SLC7A14: variants seen among roughly 807,000 people sequenced by gnomAD.
The protein encoded by SLC7A14 is solute carrier family 7 member 14.
A neutral mutation model predicts 60.2 loss-of-function variants in SLC7A14; 37 were observed. That is an observed-to-expected ratio of 0.61 (90% confidence interval 0.47 to 0.81). The LOEUF is 0.81. Among genes scored for constraint, SLC7A14 ranks in the 30% least tolerant of loss-of-function variants. The pLI is 0.00. For missense variants in SLC7A14, 886 were observed against 982.7 expected, an observed-to-expected ratio of 0.90 and a Z score of 1.32; for synonymous variants, 399 against 395.8, an observed-to-expected ratio of 1.01 and a Z score of -0.10.
chr3:170,495,148 A>G (rs1013813434), intron 4 of SLC7A14, among the ~76,000 whole-genome samples: 3 of 152,350 alleles, frequency 2.0e-5, no homozygotes, highest in South Asian at 4.1e-4. Flanking sequence ...ACTATTGACA[A>G]CCGTAACAAG....
chr3:170,528,992 C>T (rs921427999), intron 1 of SLC7A14, among the ~76,000 whole-genome samples: 2 of 152,234 alleles, frequency 1.3e-5, no homozygotes, highest in South Asian at 2.1e-4. Context: ...GTCCCTGCTC[C>T]CATGGAGCTT....
At chr3:170,511,105 T>C (rs1291452960) in intron 2 of SLC7A14, among the ~76,000 whole-genome samples, 1 of 152,142 alleles carries the variant, frequency 6.6e-6, no homozygotes, top group East Asian at 1.9e-4. Flanking sequence ...AAGTAAGTGC[T>C]TACTAAAGGA....
At chr3:170,506,807 A>C (rs1712794098) in intron 2 of SLC7A14, among the ~76,000 whole-genome samples, 1 of 152,174 alleles carries the variant, frequency 6.6e-6, no homozygotes, top group South Asian at 2.1e-4. Context: ...CCTTCCTAAC[A>C]GGGTAAAGGA....
At chr3:170,533,677 GTGGT>G (rs1412686125) in intron 1 of SLC7A14, among the ~76,000 whole-genome samples, 1 of 151,876 alleles carries the variant, frequency 6.6e-6, no homozygotes, top group Non-Finnish European at 1.5e-5. Flanking sequence ...GTGTGTGTGT[GTGGT>G]GTGTGTGTGT....
At chr3:170,563,474 A>T (rs1285613975) in intron 1 of SLC7A14, among the ~76,000 whole-genome samples, 1 of 146,726 alleles carries the variant, frequency 6.8e-6, no homozygotes, top group Non-Finnish European at 1.5e-5. Context: ...CTGGAGTGCA[A>T]TGGTGCGATC....
intron 1 of SLC7A14, among the ~76,000 whole-genome samples, chr3:170,547,680 G>A (rs1376174742): frequency 1.3e-5 from 2 of 152,098 alleles, no homozygotes; most frequent in Admixed American, 1.3e-4. Context: ...TAGCAAAGGT[G>A]GAAGAGGTGA....
chr3:170,476,127 C>G (rs1711604175), intron 7 of SLC7A14, among the ~76,000 whole-genome samples: 1 of 152,154 alleles, frequency 6.6e-6, no homozygotes, highest in Non-Finnish European at 1.5e-5. Context: ...TTAAAATTAC[C>G]TGGGAACTTA....
Position 170,539,324 on chromosome 3 carries a change from T to TGTA in SLC7A14, c.-152-12237_-152-12236insTAC, listed in dbSNP as rs1713942012. On this transcript the variant is annotated intron_variant, in intron 1 of 7. Transcript: ENST00000231706. ...TTCATGCTTCCAGTCTCAGCTGAAA[T>TGTA]GTCATCTTTGCAGAGAGAGGTCCTC... 3.3e-5 allele frequency among the ~76,000 whole-genome samples: 5 copies of TGTA among 152,306 alleles called. No homozygotes were observed. In the South Asian group the frequency reaches 1.0e-3, roughly 32 times the overall value.
At chr3:170,501,569 C>T (rs1366514726) in intron 2 of SLC7A14, among the ~76,000 whole-genome samples, 2 of 152,196 alleles carry the variant, frequency 1.3e-5, no homozygotes, top group Non-Finnish European at 2.9e-5. Context: ...ACTAATTCTA[C>T]TAAACTGTTG....
intron 1 of SLC7A14, among the ~76,000 whole-genome samples, chr3:170,546,745 C>A (rs182762247): frequency 6.0e-4 from 92 of 152,218 alleles, no homozygotes; most frequent in African/African-American, 2.1e-3. Context: ...GGACAGCTTG[C>A]CTTAGAGGGT....
chr3:170,496,893 G>C (rs1712416381), intron 4 of SLC7A14, among the ~76,000 whole-genome samples: 1 of 151,932 alleles, frequency 6.6e-6, no homozygotes, highest in South Asian at 2.1e-4. Flanking sequence ...GAAGAGCTGC[G>C]GCAGTCCCTC....
intron 4 of SLC7A14, chr3:170,495,869 C>T (rs772788121): frequency 1.6e-6 from 2 of 1,285,214 alleles, no homozygotes; most frequent in South Asian, 1.2e-5. Flanking sequence ...ACATGAACAA[C>T]CTTAGGCGGC....
chr3:170,497,087 C>CAAAAAAAAAAAA (rs548290941), intron 4 of SLC7A14, among the ~76,000 whole-genome samples: 20 of 94,144 alleles, frequency 2.1e-4, no homozygotes, highest in East Asian at 1.0e-3. Context: ...TTATTTTGTC[C>CAAAAAAAAAAAA]AAAAAAAAAA....
chr3:170,500,537 C>T (rs1209725885), intron 3 of SLC7A14, among the ~76,000 whole-genome samples: 1 of 151,014 alleles, frequency 6.6e-6, no homozygotes, highest in African/African-American at 2.4e-5. Flanking sequence ...GATGGTTTAG[C>T]ATTCACTGTT....
chr3:170,572,745 T>C (rs1324310330), intron 1 of SLC7A14, among the ~76,000 whole-genome samples: 1 of 152,202 alleles, frequency 6.6e-6, no homozygotes, highest in African/African-American at 2.4e-5. Context: ...TATTAGGAAT[T>C]TATTTCTGGC....
chr3:170,526,530 A>G (rs190926198), intron 2 of SLC7A14, 103 bp downstream of exon 2: 9 of 1,407,686 alleles, frequency 6.4e-6, no homozygotes, highest in Middle Eastern at 1.9e-4. Flanking sequence ...CTTTTCTGCC[A>G]CTTCATACAT....
chr3:170,480,665 A>G lies in SLC7A14; in HGVS notation c.1617T>C (p.Pro539=). Residue 539 remains proline (P), a synonymous_variant, in exon 7 of 8, where the codon CCT becomes CCC. Coordinates refer to ENST00000231706, the MANE Select transcript of SLC7A14 (RefSeq NM_020949.3). The part of the protein sequence containing the change: ...YLIKLKKLIG[P]HYYTMRIRLG... ...GCCGGATTCTCATGGTGTAATAATG[A>G]GGCCCAATCAGCTTCTTTAACTTGA... 1 of 1,614,254 alleles carries G rather than the reference A, an allele frequency of 6.2e-7. No individual in the cohort carries two copies. Among genetic ancestry groups the G allele is most frequent in the Non-Finnish European group, 8.5e-7 (1 of 1,180,042 alleles).
chr3:170,509,852 G>A (rs1273874369), intron 2 of SLC7A14, among the ~76,000 whole-genome samples: 1 of 151,816 alleles, frequency 6.6e-6, no homozygotes, highest in East Asian at 1.9e-4. Flanking sequence ...GCCGAGGTGG[G>A]TGGATCACCT....
rs541241709 is a variant in SLC7A14, at chr3:170,467,177, G to A, written c.2194C>T (p.Gln732Ter). The change falls in exon 8 of 8, where the codon CAA becomes TAA. Residue 732 changes from glutamine to a stop codon, truncating the protein, a stop_gained. Transcript: ENST00000231706. LOFTEE classifies it high-confidence loss of function. ...TTTGCCTTCGCATCTGACATCTGTT[G>A]GTAATAGAAGCCTTTGTCTTCAGTG... ...GPTEDKGFYY[Q>*]QMSDAKANGR... 1 of 1,614,236 alleles carries A rather than the reference G, an allele frequency of 6.2e-7. No homozygotes were observed. Among genetic ancestry groups the A allele is most frequent in the African/African-American group, 1.3e-5 (1 of 75,066 alleles).
Sources: gnomAD v4.1 joint callset for allele counts (sites outside exome capture counted in the v4.1 genomes callset) on GRCh38, gnomAD v4.1.1 for gene constraint, MANE v1.5 for transcripts, NCBI Gene and HGNC (gene_info 2026-07-23, HGNC 2026-07-21) for gene names.